RAVER2: variants seen among roughly 807,000 people sequenced by gnomAD.
RAVER2 encodes ribonucleoprotein, PTB binding 2.
In RAVER2, 46 loss-of-function variants were observed where a neutral mutation model predicts 78.1. The observed-to-expected ratio is 0.59, with a 90% CI of 0.46 to 0.75. The LOEUF is 0.75. RAVER2 is among the 30% of genes least tolerant of loss of function. The pLI is 0.00. For synonymous variants in RAVER2, 311 were observed against 313.3 expected, an observed-to-expected ratio of 0.99 and a Z score of 0.08; for missense variants, 793 against 837.5, an observed-to-expected ratio of 0.95 and a Z score of 0.66.
rs916545053 is a variant in RAVER2 at position 64,812,858 on chromosome 1, G to A, written c.1792+9G>A. 2 of 1,550,014 alleles carry A rather than the reference G, an allele frequency of 1.3e-6. No individual in the cohort carries two copies. Among genetic ancestry groups the A allele is most frequent in the Non-Finnish European group, 1.8e-6 (2 of 1,137,428 alleles). The stretch of plus-strand genomic sequence containing the variant: ...CAGTGTGTGCTTATCATGTAAGTAG[G>A]GGCTCAGTATTCTTGTTGTGGAGTT... On this transcript the variant is annotated intron_variant, in intron 10 of 11. Transcript: ENST00000294428.
intron 1 of RAVER2, among the ~76,000 whole-genome samples, chr1:64,761,814 A>T (rs771136984): frequency 5.9e-5 from 9 of 152,214 alleles, no homozygotes; most frequent in Non-Finnish European, 1.2e-4. Context: ...TAAATAAGCT[A>T]TTAGAAATAA....
intron 11 of RAVER2, among the ~76,000 whole-genome samples, chr1:64,829,995 G>A (rs1004914184): frequency 6.6e-6 from 1 of 152,156 alleles, no homozygotes; most frequent in Non-Finnish European, 1.5e-5. Flanking sequence ...AATTGTGACC[G>A]TTGTTGGTTC....
At chr1:64,773,928 C>T (rs546113204) in intron 2 of RAVER2, among the ~76,000 whole-genome samples, 11 of 152,270 alleles carry the variant, frequency 7.2e-5, no homozygotes, top group Admixed American at 7.2e-4. Flanking sequence ...TCTCTGATGA[C>T]CAGTGATGAT....
At position 64,745,866 on chromosome 1, in the gene RAVER2, C is replaced by T. The variant is rs1651518519; in HGVS notation, c.249+445C>T. Among the ~76,000 whole-genome samples the T allele has an allele frequency of 6.6e-6, 1 of 152,068 alleles. No individual in the cohort carries two copies. The highest frequency in any genetic ancestry group is 2.1e-4 in the South Asian group (1 of 4,826). ...TATAGTCCCCGGTGCTCGGGAGTGC[C>T]ATAGGGGGCAGGGGCACGAGAGAGC... On this transcript the variant is annotated intron_variant, in intron 1 of 11. Transcript: ENST00000294428. The surrounding 1 kb of genome is among the most constrained non-coding windows in gnomAD (Gnocchi z 4.3).
At chr1:64,782,718 T>C (rs2100840253) in intron 4 of RAVER2, among the ~76,000 whole-genome samples, 1 of 152,312 alleles carries the variant, frequency 6.6e-6, no homozygotes, top group Non-Finnish European at 1.5e-5. Context: ...GTGGTCTGGT[T>C]GCAGAGTGAA....
At chr1:64,747,387 C>T (rs552903977) in intron 1 of RAVER2, among the ~76,000 whole-genome samples, 2 of 152,276 alleles carry the variant, frequency 1.3e-5, no homozygotes, top group South Asian at 2.1e-4. Flanking sequence ...GCTAAAACTA[C>T]ATATTTACCC....
intron 4 of RAVER2, 37 bp downstream of exon 4, chr1:64,781,608 A>G: frequency 1.3e-6 from 2 of 1,572,362 alleles, no homozygotes; most frequent in Non-Finnish European, 1.7e-6. Flanking sequence ...TTTTTAGAGT[A>G]TAGAAAATTC....
intron 1 of RAVER2, among the ~76,000 whole-genome samples, chr1:64,753,668 C>T (rs976477968): frequency 2.0e-5 from 3 of 151,542 alleles, no homozygotes; most frequent in East Asian, 2.0e-4. Flanking sequence ...GGATTACAGG[C>T]GCCCGCCACC....
intron 8 of RAVER2, among the ~76,000 whole-genome samples, chr1:64,806,637 T>A (rs1446423340): frequency 2.0e-5 from 3 of 152,202 alleles, no homozygotes; most frequent in Admixed American, 2.0e-4. Context: ...ATACTCCAGC[T>A]GTGACTGATT....
intron 2 of RAVER2, among the ~76,000 whole-genome samples, chr1:64,769,145 A>C (rs1429108032): frequency 6.6e-6 from 1 of 151,990 alleles, no homozygotes; most frequent in Non-Finnish European, 1.5e-5. Context: ...TTGTGCATGT[A>C]ATATGCAGCT....
At chr1:64,754,931 A>G (rs1227755353) in intron 1 of RAVER2, among the ~76,000 whole-genome samples, 5 of 152,198 alleles carry the variant, frequency 3.3e-5, no homozygotes, top group African/African-American at 9.7e-5. Context: ...ATCAGGCTCA[A>G]TAATTTTCTT....
intron 1 of RAVER2, among the ~76,000 whole-genome samples, chr1:64,759,170 A>G (rs1237469927): frequency 2.0e-5 from 3 of 151,590 alleles, no homozygotes; most frequent in Non-Finnish European, 4.4e-5. Context: ...TTTCAGGTGT[A>G]AGTATATTTT....
intron 8 of RAVER2, among the ~76,000 whole-genome samples, chr1:64,806,747 T>C (rs183726274): frequency 8.2e-4 from 125 of 152,308 alleles, no homozygotes; most frequent in Admixed American, 1.3e-3. Context: ...AAATTTATTA[T>C]TGGAGTCAAT....
chr1:64,766,000 C>CT (rs1469888312), intron 1 of RAVER2, among the ~76,000 whole-genome samples: 1 of 152,058 alleles, frequency 6.6e-6, no homozygotes, highest in Non-Finnish European at 1.5e-5. Flanking sequence ...CAATGGTTAA[C>CT]TTTTTTGTTG....
chr1:64,812,663 A>C, intron 9 of RAVER2, 75 bp from the exon 10 acceptor site: 1 of 915,950 alleles, frequency 1.1e-6, no homozygotes, highest in Non-Finnish European at 1.7e-6. Context: ...TTGAAAAATA[A>C]GTATTTCTCT....
intron 1 of RAVER2, among the ~76,000 whole-genome samples, chr1:64,755,674 T>C (rs919414834): frequency 6.6e-6 from 1 of 151,552 alleles, no homozygotes; most frequent in Non-Finnish European, 1.5e-5. Flanking sequence ...GTTTAACTAC[T>C]TGCTTTCGAT....
chr1:64,806,390 G>A (rs1042081620), intron 8 of RAVER2, among the ~76,000 whole-genome samples: 1 of 152,138 alleles, frequency 6.6e-6, no homozygotes, highest in East Asian at 1.9e-4. Context: ...CAGCCTTGGC[G>A]ATGGGAATGA....
At chr1:64,828,331 G>GT (rs1654047204) in intron 11 of RAVER2, among the ~76,000 whole-genome samples, 1 of 151,324 alleles carries the variant, frequency 6.6e-6, no homozygotes, top group Non-Finnish European at 1.5e-5. Context: ...ATTCATCCAG[G>GT]TAAACCTCAT....
intron 4 of RAVER2, among the ~76,000 whole-genome samples, chr1:64,783,553 G>T (rs116824518): frequency 4.6e-5 from 7 of 152,186 alleles, no homozygotes; most frequent in Non-Finnish European, 8.8e-5. Flanking sequence ...GACATTTGTT[G>T]TCTGTTCATA....
Sources: gnomAD v4.1 joint callset for allele counts (sites outside exome capture counted in the v4.1 genomes callset) on GRCh38, gnomAD v4.1.1 for gene constraint, Gnocchi (gnomAD v3.1) non-coding constraint, MANE v1.5 for transcripts, NCBI Gene and HGNC (gene_info 2026-07-23, HGNC 2026-07-21) for gene names.